Variants in CADM1 observed in about 807,000 individuals in gnomAD.
CADM1 encodes the protein cell adhesion molecule 1.
CADM1 carries 15 observed loss-of-function variants against 53.1 expected under a neutral mutation model. That is an observed-to-expected ratio of 0.28 (90% CI 0.19 to 0.44). CADM1 has a LOEUF of 0.44. Among genes scored for constraint, CADM1 ranks in the 20% least tolerant of loss-of-function variants. The pLI is 1.00. For missense variants in CADM1, 434 were observed against 611.3 expected, an observed-to-expected ratio of 0.71 and a Z score of 3.06; for synonymous variants, 281 against 243.0, an observed-to-expected ratio of 1.16 and a Z score of -1.45.
At chr11:115,325,062 A>T (rs1334845221) in intron 1 of CADM1, among the ~76,000 whole-genome samples, 1 of 152,222 alleles carries the variant, frequency 6.6e-6, no homozygotes, top group Non-Finnish European at 1.5e-5. Context: ...TAGAGCATCT[A>T]TTAAGAGGAT....
chr11:115,401,783 G>A (rs1034705308), intron 1 of CADM1, among the ~76,000 whole-genome samples: 1 of 152,198 alleles, frequency 6.6e-6, no homozygotes, highest in African/African-American at 2.4e-5. Context: ...GAACCCTGAT[G>A]TAAACCATGG....
chr11:115,272,926 C>T (rs540409101), intron 1 of CADM1, among the ~76,000 whole-genome samples: 4 of 152,042 alleles, frequency 2.6e-5, no homozygotes, highest in South Asian at 2.1e-4. Flanking sequence ...AAAGCAACGA[C>T]GTGAAGTTTT....
At chr11:115,374,635 C>T (rs1946392983) in intron 1 of CADM1, among the ~76,000 whole-genome samples, 1 of 152,118 alleles carries the variant, frequency 6.6e-6, no homozygotes, top group Non-Finnish European at 1.5e-5. Context: ...AGTATTCTTA[C>T]CCTTTATACC....
chr11:115,417,556 CTT>C (rs942282297), intron 1 of CADM1, among the ~76,000 whole-genome samples: 6 of 152,276 alleles, frequency 3.9e-5, no homozygotes, highest in African/African-American at 1.2e-4. Flanking sequence ...ATGAAGGTGA[CTT>C]GAGCATAAGC....
intron 1 of CADM1, among the ~76,000 whole-genome samples, chr11:115,334,450 A>G (rs1221303165): frequency 2.1e-5 from 3 of 145,696 alleles, no homozygotes; most frequent in African/African-American, 7.8e-5. Context: ...CTAAAAATTG[A>G]TGAGTACAGT....
chr11:115,401,393 G>A (rs1025456787), intron 1 of CADM1, among the ~76,000 whole-genome samples: 1 of 152,094 alleles, frequency 6.6e-6, no homozygotes, highest in African/African-American at 2.4e-5. Context: ...TGGATCACGA[G>A]GTCAGGAGTT....
intron 3 of CADM1, 54 bp downstream of exon 3, chr11:115,238,446 A>C: frequency 6.4e-7 from 1 of 1,572,368 alleles, no homozygotes; most frequent in Non-Finnish European, 8.7e-7. Context: ...TTGCTGCTGT[A>C]AAAGGGCCAT....
intron 1 of CADM1, among the ~76,000 whole-genome samples, chr11:115,428,684 C>G (rs918820767): frequency 2.6e-5 from 4 of 151,976 alleles, no homozygotes; most frequent in African/African-American, 9.7e-5. Flanking sequence ...TGTTATAATT[C>G]TTAATATACC....
chr11:115,460,828 C>T (rs73581161), intron 1 of CADM1, among the ~76,000 whole-genome samples: 1 of 151,924 alleles, frequency 6.6e-6, no homozygotes, highest in Non-Finnish European at 1.5e-5. Flanking sequence ...TGGACACTGG[C>T]TCAATGTTTT....
At chr11:115,490,190 G>A (rs904656827) in intron 1 of CADM1, among the ~76,000 whole-genome samples, 1 of 152,142 alleles carries the variant, frequency 6.6e-6, no homozygotes, top group African/African-American at 2.4e-5. Flanking sequence ...AAACAATTAA[G>A]GGGCTGTTAT....
chr11:115,483,784 A>T (rs1591293210), intron 1 of CADM1, among the ~76,000 whole-genome samples: 1 of 152,320 alleles, frequency 6.6e-6, no homozygotes, highest in East Asian at 1.9e-4. Flanking sequence ...CTGACCTATA[A>T]ATTAATTAAG....
intron 1 of CADM1, among the ~76,000 whole-genome samples, chr11:115,480,910 C>T (rs1198485368): frequency 6.6e-6 from 1 of 152,110 alleles, no homozygotes; most frequent in East Asian, 1.9e-4. Context: ...ACAATGGTCT[C>T]TTGCCCCCAC....
chr11:115,366,771 A>G (rs1946172420), intron 1 of CADM1, among the ~76,000 whole-genome samples: 1 of 152,208 alleles, frequency 6.6e-6, no homozygotes, highest in Admixed American at 6.5e-5. Flanking sequence ...AACTGGAAAT[A>G]TATGACTTGA....
chr11:115,333,374 G>T (rs12283867), intron 1 of CADM1, among the ~76,000 whole-genome samples: 2,204 of 152,200 alleles, frequency 0.014, 54 homozygotes, highest in African/African-American at 0.05. Flanking sequence ...GAGAGAGAAT[G>T]CCCAACATGC....
intron 1 of CADM1, among the ~76,000 whole-genome samples, chr11:115,486,239 C>T (rs1318518913): frequency 6.6e-6 from 1 of 152,166 alleles, no homozygotes; most frequent in African/African-American, 2.4e-5. Flanking sequence ...GACTCATGAA[C>T]CTCTCAATTT....
chr11:115,405,374 G>T (rs1018872379), intron 1 of CADM1, among the ~76,000 whole-genome samples: 5 of 152,202 alleles, frequency 3.3e-5, no homozygotes, highest in African/African-American at 1.2e-4. Flanking sequence ...TTCTCCCACA[G>T]CACCTATGCT....
chr11:115,503,812 C>T (rs1250263557), intron 1 of CADM1, among the ~76,000 whole-genome samples: 1 of 151,176 alleles, frequency 6.6e-6, no homozygotes, highest in Admixed American at 6.6e-5. Context: ...CACCAGGAGG[C>T]TTCGGGGATG....
chr11:115,494,975 T>G (rs1949577925), intron 1 of CADM1, among the ~76,000 whole-genome samples: 1 of 152,244 alleles, frequency 6.6e-6, no homozygotes. Flanking sequence ...AACTAACAAT[T>G]ATGTGATTAC....
At chr11:115,344,731 C>T (rs1359284027) in intron 1 of CADM1, among the ~76,000 whole-genome samples, 4 of 152,142 alleles carry the variant, frequency 2.6e-5, no homozygotes, top group Non-Finnish European at 4.4e-5. Flanking sequence ...TTCTCATACC[C>T]TGACTAGATT....
Sources: gnomAD v4.1 joint callset for allele counts (sites outside exome capture counted in the v4.1 genomes callset) on GRCh38, gnomAD v4.1.1 for gene constraint, MANE v1.5 for transcripts, NCBI Gene and HGNC (gene_info 2026-07-23, HGNC 2026-07-21) for gene names.